PCDHA1: variants seen among roughly 807,000 people sequenced by gnomAD.
The protein encoded by PCDHA1 is protocadherin alpha-1.
In PCDHA1, 42 loss-of-function variants were observed where a neutral mutation model predicts 61.3. That is an observed-to-expected ratio of 0.69 (90% confidence interval 0.54 to 0.89). The LOEUF is 0.89. Ranked by LOEUF, PCDHA1 falls within the 40% of genes least tolerant of loss-of-function variation. PCDHA1 has a pLI of 0.00. For missense variants in PCDHA1, 1,256 were observed against 1,235.3 expected, an observed-to-expected ratio of 1.02 and a Z score of -0.25; for synonymous variants, 610 against 553.8, an observed-to-expected ratio of 1.10 and a Z score of -1.43.
chr5:140,915,771 G>T (rs1351294387), intron 1 of PCDHA1, among the ~76,000 whole-genome samples: 1 of 151,922 alleles, frequency 6.6e-6, no homozygotes, highest in Non-Finnish European at 1.5e-5. Flanking sequence ...TCTTGTCCAA[G>T]GCCTGCTGTA....
Position 140,883,949 on chromosome 5 carries a change from A to C in PCDHA1, c.2395-95000A>C, listed in dbSNP as rs566235340. On this transcript the variant is annotated intron_variant, in intron 1 of 3. Transcript: ENST00000504120. ...GGTGTTCGTGCTGGACGAGAACGAC[A>C]ACGCTCCGGCGCTGCTGACGCCCGG... 178 of 1,613,356 alleles carry C rather than the reference A, an allele frequency of 1.1e-4. 5 individuals carry two copies. The South Asian group carries it at 1.9e-3, about 18-fold the overall frequency.
At chr5:140,982,683 T>C in intron 3 of PCDHA1, 120 bp downstream of exon 3, 2 of 1,424,800 alleles carry the variant, frequency 1.4e-6, no homozygotes, top group Non-Finnish European at 1.8e-6. Context: ...TATTCCCTTT[T>C]TTCCATACAT....
chr5:140,791,582 G>A (rs113150685), intron 1 of PCDHA1, among the ~76,000 whole-genome samples: 469 of 110,398 alleles, frequency 4.2e-3, no homozygotes, highest in African/African-American at 0.014. Flanking sequence ...TAAGAGGGGG[G>A]CATTTTTTTT....
chr5:140,801,063 T>C (rs1483974939), intron 1 of PCDHA1: 1 of 1,457,436 alleles, frequency 6.9e-7, no homozygotes, highest in Non-Finnish European at 9.0e-7. Flanking sequence ...GTGCATTACG[T>C]ATTCAGATAC....
At chr5:140,903,725 T>C (rs2070536820) in intron 1 of PCDHA1, among the ~76,000 whole-genome samples, 1 of 152,256 alleles carries the variant, frequency 6.6e-6, no homozygotes. Context: ...TTCTCCCTAT[T>C]ATCAATTATT....
chr5:140,975,380 G>A (rs1554236775), intron 1 of PCDHA1, among the ~76,000 whole-genome samples: 2 of 152,220 alleles, frequency 1.3e-5, no homozygotes, highest in African/African-American at 4.8e-5. Flanking sequence ...GTAATCATGG[G>A]AATAAGATCC....
intron 1 of PCDHA1, among the ~76,000 whole-genome samples, chr5:140,817,910 A>T (rs191230679): frequency 5.8e-4 from 89 of 152,298 alleles, no homozygotes; most frequent in Admixed American, 5.7e-3. Context: ...ATGACATTCC[A>T]TGGTCTTCTT....
chr5:140,915,553 A>T (rs1317422262), intron 1 of PCDHA1, among the ~76,000 whole-genome samples: 1 of 152,156 alleles, frequency 6.6e-6, no homozygotes, highest in African/African-American at 2.4e-5. Context: ...AATAAGATCC[A>T]GAATGATTAT....
At chr5:140,985,290 A>G (rs1471502675) in intron 3 of PCDHA1, among the ~76,000 whole-genome samples, 1 of 152,108 alleles carries the variant, frequency 6.6e-6, no homozygotes, top group Non-Finnish European at 1.5e-5. Flanking sequence ...TCTATGATAT[A>G]GTGTTGGCTG....
At chr5:140,947,550 G>T (rs967081376) in intron 1 of PCDHA1, among the ~76,000 whole-genome samples, 1 of 151,402 alleles carries the variant, frequency 6.6e-6, no homozygotes, top group Non-Finnish European at 1.5e-5. Flanking sequence ...AAAGAATTCC[G>T]CTGGGATTTA....
intron 1 of PCDHA1, chr5:140,847,666 C>T (rs1419197833): frequency 6.7e-6 from 1 of 149,608 alleles, no homozygotes; most frequent in African/African-American, 2.4e-5. Flanking sequence ...GATTATAAAG[C>T]TTGGAAAGAA....
At chr5:141,008,356 A>G (rs1440951671) in intron 3 of PCDHA1, among the ~76,000 whole-genome samples, 1 of 152,204 alleles carries the variant, frequency 6.6e-6, no homozygotes, top group Non-Finnish European at 1.5e-5. Context: ...CGTGTCAACC[A>G]AAGGAGCAGT....
At chr5:140,967,954 C>T in intron 1 of PCDHA1, 1 of 1,614,208 alleles carries the variant, frequency 6.2e-7, no homozygotes, top group Non-Finnish European at 8.5e-7. Flanking sequence ...ACTCAGGCCC[C>T]AACCGGAAAG....
chr5:140,884,840 A>G (rs2060380495), intron 1 of PCDHA1: 7 of 888,512 alleles, frequency 7.9e-6, no homozygotes, highest in Non-Finnish European at 1.1e-5. Flanking sequence ...TATCCTTCAG[A>G]GTGAAATCTT....
chr5:140,830,110 C>A, intron 1 of PCDHA1: 2 of 1,613,556 alleles, frequency 1.2e-6, no homozygotes, highest in Non-Finnish European at 1.7e-6. Flanking sequence ...TGGAGAGTGG[C>A]CAGGCTCCAA....
chr5:140,870,347 AGAACGTGTGGGCCTAT>A (rs782552389), intron 1 of PCDHA1: 3 of 1,614,176 alleles, frequency 1.9e-6, no homozygotes, highest in Non-Finnish European at 2.5e-6. Flanking sequence ...CTGGACCGCG[AGAACGTGTGGGCCTAT>A]GAACTGGTGG....
chr5:140,809,503 C>T lies in PCDHA1; in HGVS notation c.2394+20819C>T, dbSNP rs782650472. 22 of 1,614,096 alleles carry T rather than the reference C, an allele frequency of 1.4e-5. No individual in the cohort carries two copies. The Admixed American group carries it at 2.5e-4, about 18-fold the overall frequency. On this transcript the variant is annotated intron_variant, in intron 1 of 3. Coordinates refer to ENST00000504120, the MANE Select transcript of PCDHA1 (RefSeq NM_018900.4). The stretch of plus-strand genomic sequence containing the variant: ...CACCCAAGACCGACCTCATGGCCTT[C>T]AGCCCCAGTTTACCTGACTCTAGGG...
intron 1 of PCDHA1, chr5:140,966,728 TCCG>T (rs1554228593): frequency 2.8e-6 from 4 of 1,404,870 alleles, no homozygotes; most frequent in Non-Finnish European, 3.7e-6. Flanking sequence ...AGCTGCCGCC[TCCG>T]GCCCTGCCCG....
chr5:140,840,241 A>G (rs1237223547), intron 1 of PCDHA1, among the ~76,000 whole-genome samples: 1 of 152,048 alleles, frequency 6.6e-6, no homozygotes, highest in Non-Finnish European at 1.5e-5. Flanking sequence ...GAGAATCACT[A>G]TGCTATAAAA....
Sources: allele counts gnomAD v4.1 joint callset (sites outside exome capture counted in the v4.1 genomes callset), GRCh38; gene constraint gnomAD v4.1.1; transcripts MANE v1.5; gene names NCBI Gene and HGNC (gene_info 2026-07-23, HGNC 2026-07-21).